The following PDGFC variants were observed in gnomAD, a reference collection of about 807,000 sequenced individuals.
PDGFC encodes platelet derived growth factor C.
PDGFC carries 12 observed loss-of-function variants against 35.5 expected under a neutral mutation model. That is an observed-to-expected ratio of 0.34 (90% CI 0.22 to 0.55). The LOEUF (loss-of-function observed/expected upper bound fraction) is 0.55, where lower values mean the gene tolerates loss of function less well. PDGFC is among the 20% of genes least tolerant of loss of function. The probability of loss-of-function intolerance (pLI) is 0.91; values close to 1 mark genes in which losing one functional copy is unlikely to be tolerated. For synonymous variants in PDGFC, 159 were observed against 148.8 expected (o/e 1.07, Z -0.50); for missense variants, 322 against 412.4 (o/e 0.78, Z 1.90).
intron 2 of PDGFC, among the ~76,000 whole-genome samples, chr4:156,838,525 G>A (rs1445960716): frequency 6.6e-6 from 1 of 152,098 alleles, no homozygotes; most frequent in Non-Finnish European, 1.5e-5. Flanking sequence ...ATCTTATGAG[G>A]ACAGCCTGAT....
intron 1 of PDGFC, among the ~76,000 whole-genome samples, chr4:156,911,259 T>C (rs1186236077): frequency 6.6e-6 from 1 of 152,176 alleles, no homozygotes; most frequent in Non-Finnish European, 1.5e-5. Context: ...CTATGCTTTA[T>C]TTGAAAATCT....
At chr4:156,874,713 T>C (rs1413445404) in intron 1 of PDGFC, among the ~76,000 whole-genome samples, 1 of 151,996 alleles carries the variant, frequency 6.6e-6, no homozygotes, top group Non-Finnish European at 1.5e-5. Context: ...ACATTTTCTC[T>C]TTTTTTAATT....
chr4:156,848,931 T>C (rs1286397136), intron 2 of PDGFC, among the ~76,000 whole-genome samples: 3 of 152,002 alleles, frequency 2.0e-5, no homozygotes, highest in African/African-American at 7.2e-5. Context: ...ACTTTTGTAA[T>C]GAAGTCCTTT....
chr4:156,819,255 A>C (rs1467929501), intron 2 of PDGFC, among the ~76,000 whole-genome samples: 3 of 152,228 alleles, frequency 2.0e-5, no homozygotes, highest in African/African-American at 7.2e-5. Flanking sequence ...GCTAAAAAAA[A>C]CACCAGATTT....
At chr4:156,765,214 CTT>C (rs1242653094) in intron 5 of PDGFC, among the ~76,000 whole-genome samples, 1 of 152,130 alleles carries the variant, frequency 6.6e-6, no homozygotes, top group Non-Finnish European at 1.5e-5. Context: ...AAAGTTTTGA[CTT>C]TGGTGGAGAA....
intron 3 of PDGFC, among the ~76,000 whole-genome samples, chr4:156,784,575 G>A (rs1039433806): frequency 6.6e-6 from 1 of 151,898 alleles, no homozygotes; most frequent in African/African-American, 2.4e-5. Context: ...AAGTTTGGCA[G>A]GGAGAAAAAA....
At chr4:156,874,288 A>C (rs545594323) in intron 1 of PDGFC, among the ~76,000 whole-genome samples, 3 of 152,314 alleles carry the variant, frequency 2.0e-5, no homozygotes, top group African/African-American at 7.2e-5. Flanking sequence ...AGACACCATA[A>C]AATTACCTTT....
chr4:156,784,322 C>T (rs1187639012), intron 3 of PDGFC, among the ~76,000 whole-genome samples: 2 of 152,058 alleles, frequency 1.3e-5, no homozygotes, highest in Non-Finnish European at 2.9e-5. Context: ...GGGAAGAGAG[C>T]CTGGAGGTCT....
intron 1 of PDGFC, among the ~76,000 whole-genome samples, chr4:156,923,154 C>T (rs1328745009): frequency 6.6e-6 from 1 of 152,120 alleles, no homozygotes; most frequent in East Asian, 1.9e-4. Context: ...AATCAGTCCC[C>T]TTGCTAGCCT....
chr4:156,875,886 GA>G (rs1196483132), intron 1 of PDGFC, among the ~76,000 whole-genome samples: 18 of 151,884 alleles, frequency 1.2e-4, no homozygotes, highest in Admixed American at 7.2e-4. Flanking sequence ...CTGTTGGGGG[GA>G]AAAAAAGTGA....
At chr4:156,843,381 A>G in intron 2 of PDGFC, among the ~76,000 whole-genome samples, 1 of 152,250 alleles carries the variant, frequency 6.6e-6, no homozygotes, top group Non-Finnish European at 1.5e-5. Flanking sequence ...GGTTTGTTAC[A>G]GCAGTCCAAA....
At chr4:156,772,620 A>T (rs1730719463) in intron 4 of PDGFC, 66 bp downstream of exon 4, 1 of 985,302 alleles carries the variant, frequency 1.0e-6, no homozygotes, top group Non-Finnish European at 1.6e-6. Flanking sequence ...AAGCTGTGGC[A>T]GAAGAATCTG....
rs748422838 is a variant in PDGFC, at chr4:156,772,656, A to G, written c.703+30T>C. ...AAACATTAGCTGTTAAGAAAATTAA[A>G]TGAGGTTCTAATCTGAAGAGGGAGC... On this transcript the variant is annotated intron_variant, in intron 4 of 5. Transcript: ENST00000502773. The G allele has an allele frequency of 1.9e-5, 27 of 1,440,394 alleles. No homozygotes were observed. In the Middle Eastern group the frequency reaches 6.2e-4, roughly 33 times the overall value. The allele number at this position is 1,440,394 out of a possible 1,614,324, so 89.2% of individuals were successfully genotyped here.
chr4:156,928,429 G>A (rs763885565), intron 1 of PDGFC, among the ~76,000 whole-genome samples: 1 of 152,068 alleles, frequency 6.6e-6, no homozygotes, highest in Admixed American at 6.6e-5. Context: ...ATCTGTAACC[G>A]TGGGATTACT....
intron 1 of PDGFC, among the ~76,000 whole-genome samples, chr4:156,901,556 CGA>C (rs1359514814): frequency 2.0e-5 from 3 of 151,098 alleles, no homozygotes; most frequent in South Asian, 2.1e-4. Flanking sequence ...ATATTGGTAG[CGA>C]GAGAGAGAGA....
At chr4:156,790,374 G>A (rs6834932) in intron 3 of PDGFC, among the ~76,000 whole-genome samples, 58,434 of 152,050 alleles carry the variant, frequency 0.38, 14,653 homozygotes, top group African/African-American at 0.71. Flanking sequence ...AGAACTTTCT[G>A]AAAACAATAT....
Position 156,762,145 on chromosome 4 carries a change from C to G in PDGFC, c.*945G>C, listed in dbSNP as rs1189998364. ...TTTTAAAATGCAGATTAATCTAACTCTAGCACCATACGAGAATGAAATACA... is the reference window on the plus strand; with the variant it reads ...TTTTAAAATGCAGATTAATCTAACTGTAGCACCATACGAGAATGAAATACA... On this transcript the variant is annotated 3_prime_UTR_variant, in exon 6 of 6. Coordinates refer to ENST00000502773, the MANE Select transcript of PDGFC (RefSeq NM_016205.3). The G allele has an allele frequency of 6.6e-6, 1 of 152,590 alleles. No individual in the cohort carries two copies. Among genetic ancestry groups the G allele is most frequent in the Non-Finnish European group, 1.5e-5 (1 of 68,044 alleles). The allele number at this position is 152,590 out of a possible 1,614,324, so 9.5% of individuals were successfully genotyped here. A position where few individuals can be genotyped will look rare whatever the true frequency, so the allele number is the denominator to read the frequency against.
At position 156,888,138 on chromosome 4, in the gene PDGFC, T is replaced by G. The variant is rs146125684; in HGVS notation, c.119-37722A>C. ...AATTACGGAGGTACCCATGGAGAGG[T>G]GTCTTGTCAACCGTAGTACTTGTTT... On this transcript the variant is annotated intron_variant, in intron 1 of 5. Transcript: ENST00000502773. 2.9e-3 allele frequency among the ~76,000 whole-genome samples: 435 copies of G among 151,922 alleles called. 3 individuals are homozygous for G. Among genetic ancestry groups the G allele is most frequent in the African/African-American group, 0.01 (422 of 41,406 alleles).
At chr4:156,962,970 T>C (rs1319739670) in intron 1 of PDGFC, among the ~76,000 whole-genome samples, 1 of 152,164 alleles carries the variant, frequency 6.6e-6, no homozygotes, top group East Asian at 1.9e-4. Context: ...TCCTGGCAGA[T>C]CATGCTGGTT....
Sources: gnomAD v4.1 joint callset for allele counts (sites outside exome capture counted in the v4.1 genomes callset) on GRCh38, gnomAD v4.1.1 for gene constraint, MANE v1.5 for transcripts, NCBI Gene and HGNC (gene_info 2026-07-23, HGNC 2026-07-21) for gene names.